The following HERC1 variants were observed in gnomAD, a reference collection of about 807,000 sequenced individuals.
HERC1 encodes HECT and RLD domain containing E3 ubiquitin protein ligase family member 1.
A neutral mutation model predicts 554.3 loss-of-function variants in HERC1; 160 were observed. That is an observed-to-expected ratio of 0.29 (90% CI 0.25 to 0.33). The LOEUF (loss-of-function observed/expected upper bound fraction) is 0.33. Ranked by LOEUF, HERC1 falls within the 10% of genes least tolerant of loss-of-function variation. HERC1 has a pLI of 1.00. For synonymous variants in HERC1, 2,175 were observed against 2,131.7 expected (o/e 1.02, Z -0.56); for missense variants, 4,919 against 5,918.5 (o/e 0.83, Z 5.54).
rs1322717560 is a variant in HERC1, at chr15:63,727,716, C to T, written c.3277G>A (p.Asp1093Asn). Residue 1093 changes from aspartate to asparagine, a missense_variant, in exon 17 of 78, where the codon GAT becomes AAT. By Grantham distance (23) the Asp-to-Asn change is conservative. This residue lies in a region of HERC1 where 1,121 missense variants were observed against 1,244.0 expected (regional missense o/e 0.90). Coordinates refer to ENST00000443617, the MANE Select transcript of HERC1 (RefSeq NM_003922.4). The surrounding 1 kb of genome is among the most constrained non-coding windows in gnomAD (Gnocchi z 4.3). ...SYLLDLLPPL[D>N]CLNRLLPAAD... is the part of the protein sequence containing the mutation. ...GCTGGCAGGAGTCTATTAAGGCAAT[C>T]AAGAGGTGGCAACAAGTCGAGGAGG... 1 of 1,613,824 alleles carries T rather than the reference C, an allele frequency of 6.2e-7. No individual in the cohort carries two copies. Among genetic ancestry groups the T allele is most frequent in the Admixed American group, 1.7e-5 (1 of 59,990 alleles).
chr15:63,800,671 G>C (rs10163125), intron 1 of HERC1, among the ~76,000 whole-genome samples: 67,779 of 152,024 alleles, frequency 0.45, 16,403 homozygotes, highest in Non-Finnish European at 0.55. Context: ...TGCATGGTTT[G>C]CAATTATATA....
At chr15:63,700,087 G>C (rs2072634411) in intron 25 of HERC1, among the ~76,000 whole-genome samples, 1 of 151,938 alleles carries the variant, frequency 6.6e-6, no homozygotes, top group South Asian at 2.1e-4. Context: ...ATTATCCTGA[G>C]GCCTGGGTTT....
At position 63,666,076 on chromosome 15, in the gene HERC1, C is replaced by A; in HGVS notation, c.8398G>T (p.Asp2800Tyr). ...CTGCCCGACTGGGGCTCCTCTTCATCCTCATGCCCAGGGTGCTCTATCATC... is the reference window on the plus strand; with the variant it reads ...CTGCCCGACTGGGGCTCCTCTTCATACTCATGCCCAGGGTGCTCTATCATC... ...MWMIEHPGHE[D>Y]EEEPQSGSTA... The change falls in exon 42 of 78, where the codon GAT becomes TAT. Residue 2800 changes from aspartate to tyrosine, a missense_variant. By Grantham distance (160) the Asp-to-Tyr change is radical. Around this residue, in one of 11 missense-constraint regions of HERC1, gnomAD observed 1,963 missense variants for 2,228.6 expected, o/e 0.88. Transcript: ENST00000443617. 6 of 1,614,028 alleles carry A rather than the reference C, an allele frequency of 3.7e-6. No individual in the cohort carries two copies. In the South Asian group the frequency reaches 5.5e-5, roughly 15 times the overall value.
chr15:63,784,846 G>A (rs2076391537), intron 1 of HERC1, among the ~76,000 whole-genome samples: 2 of 152,270 alleles, frequency 1.3e-5, no homozygotes, highest in East Asian at 3.9e-4. Flanking sequence ...CCTGACCTCA[G>A]GTGATCAGCC....
At position 63,612,058 on chromosome 15, in the gene HERC1, C is replaced by A. The variant is rs1247936002; in HGVS notation, c.14400+193G>T. Among the ~76,000 whole-genome samples, 1 of 152,124 alleles carries A rather than the reference C, an allele frequency of 6.6e-6. No individual in the cohort carries two copies. Among genetic ancestry groups the A allele is most frequent in the African/African-American group, 2.4e-5 (1 of 41,424 alleles). On this transcript the variant is annotated intron_variant, in intron 77 of 77. Coordinates refer to ENST00000443617, the MANE Select transcript of HERC1 (RefSeq NM_003922.4). The surrounding 1 kb of genome is among the most constrained non-coding windows in gnomAD (Gnocchi z 5.0). ...AAAAAATTAGCCAGGCGTGGTGGCA[C>A]GCACCTGTAGTCCCAGCTACTGCGG... is the stretch of plus-strand genomic sequence containing the variant.
chr15:63,728,940 A>T lies in HERC1; in HGVS notation c.3154+296T>A, dbSNP rs884494. Reference sequence around the variant, plus strand: ...GAAAGGTAAAGAAAGAGCAGGTTTTAAAAAAAAAAAAAAAGAGCAGATTAA... The same window carrying T: ...GAAAGGTAAAGAAAGAGCAGGTTTTTAAAAAAAAAAAAAAGAGCAGATTAA... On this transcript the variant is annotated intron_variant, in intron 16 of 77. Transcript: ENST00000443617. Among the ~76,000 whole-genome samples, 68,493 of 118,412 alleles carry T rather than the reference A, an allele frequency of 0.58. 16,483 individuals carry two copies. The highest frequency in any genetic ancestry group is 0.65 in the Non-Finnish European group (35,919 of 55,464). 77.7% of individuals were successfully genotyped at this position (118,412 alleles called of 152,430 possible).
At chr15:63,828,251 G>C (rs2078009443) in intron 1 of HERC1, among the ~76,000 whole-genome samples, 2 of 152,060 alleles carry the variant, frequency 1.3e-5, no homozygotes, top group African/African-American at 4.8e-5. Flanking sequence ...TGTACCCACA[G>C]GGCATGGGCA....
chr15:63,714,610 C>T (rs575540554), intron 22 of HERC1, among the ~76,000 whole-genome samples: 9 of 131,064 alleles, frequency 6.9e-5, no homozygotes, highest in Admixed American at 6.3e-4. Flanking sequence ...AGTGCAGTGG[C>T]ACGATCTCGG....
At chr15:63,645,172 AT>A in intron 56 of HERC1, 75 bp from the exon 57 acceptor site, 1 of 1,070,322 alleles carries the variant, frequency 9.3e-7, no homozygotes, top group Non-Finnish European at 1.5e-6. Flanking sequence ...ATTGCAATCA[AT>A]TAAGATCTGA....
chr15:63,629,134 G>C (rs1432937786), intron 69 of HERC1, among the ~76,000 whole-genome samples: 1 of 152,078 alleles, frequency 6.6e-6, no homozygotes, highest in Non-Finnish European at 1.5e-5. Flanking sequence ...ATTTTTAGTA[G>C]AGATGGGGTT....
At chr15:63,732,029 T>A (rs761773150) in intron 14 of HERC1, among the ~76,000 whole-genome samples, 2 of 151,960 alleles carry the variant, frequency 1.3e-5, no homozygotes, top group Non-Finnish European at 2.9e-5. Context: ...TGAGATGGGG[T>A]CTCGCTCTGT....
intron 39 of HERC1, among the ~76,000 whole-genome samples, chr15:63,671,939 T>C (rs2070950231): frequency 6.6e-6 from 1 of 152,230 alleles, no homozygotes; most frequent in Admixed American, 6.5e-5. Context: ...TATATACATC[T>C]GGCAAATTAA....
At position 63,746,901 on chromosome 15, in the gene HERC1, A is replaced by G. The variant is rs2141661942; in HGVS notation, c.2520+17T>C. On this transcript the variant is annotated intron_variant, in intron 12 of 77. Transcript: ENST00000443617. ...GACGTGGTTTGAGATACAGATTCAC[A>G]AGTCCTATTCTCTTACCTCTTGGAT... The G allele has an allele frequency of 6.5e-7, 1 of 1,549,250 alleles. No individual in the cohort carries two copies. Among genetic ancestry groups the G allele is most frequent in the South Asian group, 1.2e-5 (1 of 83,980 alleles).
chr15:63,739,834 TCAAA>T (rs1172708110), intron 12 of HERC1, among the ~76,000 whole-genome samples: 4 of 152,080 alleles, frequency 2.6e-5, no homozygotes, highest in African/African-American at 9.7e-5. Flanking sequence ...CAAGACTCTG[TCAAA>T]CAAACAAATA....
At chr15:63,668,169 G>C (rs1183606503) in intron 40 of HERC1, among the ~76,000 whole-genome samples, 1 of 151,992 alleles carries the variant, frequency 6.6e-6, no homozygotes, top group Admixed American at 6.6e-5. Context: ...AAAGAAGGTG[G>C]ATTTAAAACC....
chr15:63,667,992 G>T (rs2070725820), intron 40 of HERC1, among the ~76,000 whole-genome samples: 1 of 152,288 alleles, frequency 6.6e-6, no homozygotes, highest in Non-Finnish European at 1.5e-5. Context: ...GTTATATACA[G>T]ATTTTCAACT....
chr15:63,829,467 T>G (rs2078056327), intron 1 of HERC1, among the ~76,000 whole-genome samples: 1 of 84,828 alleles, frequency 1.2e-5, no homozygotes, highest in Non-Finnish European at 2.6e-5. Context: ...TGTGCACATA[T>G]ATGTTTATAT....
chr15:63,805,347 A>C (rs1318889634), intron 1 of HERC1, among the ~76,000 whole-genome samples: 1 of 152,238 alleles, frequency 6.6e-6, no homozygotes, highest in East Asian at 1.9e-4. Context: ...AACATGGATG[A>C]ATCTCAAAAG....
At chr15:63,690,228 T>C (rs1006333011) in intron 32 of HERC1, among the ~76,000 whole-genome samples, 3 of 151,500 alleles carry the variant, frequency 2.0e-5, no homozygotes, top group African/African-American at 7.3e-5. Context: ...TTTGCCTTAC[T>C]ATTTAGACCT....
Sources: allele counts gnomAD v4.1 joint callset (sites outside exome capture counted in the v4.1 genomes callset), GRCh38; gene constraint gnomAD v4.1.1; regional missense constraint gnomAD v4.1.1; non-coding constraint Gnocchi (gnomAD v3.1); transcripts MANE v1.5; gene names NCBI Gene and HGNC (gene_info 2026-07-23, HGNC 2026-07-21).